Variants in CTXND1 observed in about 807,000 individuals in gnomAD.
The protein encoded by CTXND1 is cortexin domain containing 1, also known as cortexin domain-containing 1 protein.
chr15:80,215,308 T>C (rs1407671523), intron 1 of CTXND1, among the ~76,000 whole-genome samples: 1 of 152,210 alleles, frequency 6.6e-6, no homozygotes, highest in African/African-American at 2.4e-5. Flanking sequence ...CCTTGCCCCT[T>C]TGGGGTACAA....
At chr15:80,244,161 T>C (rs1334733474) in intron 1 of CTXND1, among the ~76,000 whole-genome samples, 1 of 152,240 alleles carries the variant, frequency 6.6e-6, no homozygotes, top group Non-Finnish European at 1.5e-5. Flanking sequence ...TTTAGAGTCC[T>C]TGAAACTGTC....
rs908796978 is a variant in CTXND1 at position 80,196,813 on chromosome 15, T to C, written c.*4957A>G. On this transcript the variant is annotated 3_prime_UTR_variant, in exon 3 of 3. Coordinates refer to ENST00000560778, the MANE Select transcript of CTXND1 (RefSeq NM_001352888.2). ...TTTAGCTTCTGTTGTTTTTGGCCAA[T>C]GGAAGACCCAGACAGGAGATTGGAG... The C allele has an allele frequency of 4.6e-5, 7 of 152,222 alleles. No individual in the cohort carries two copies. Among genetic ancestry groups the C allele is most frequent in the African/African-American group, 1.7e-4 (7 of 41,398 alleles). The allele number at this position is 152,222 out of a possible 1,614,324, so 9.4% of individuals were successfully genotyped here. A position where few individuals can be genotyped will look rare whatever the true frequency, so the allele number is the denominator to read the frequency against.
At chr15:80,241,427 G>A (rs765329158) in intron 1 of CTXND1, among the ~76,000 whole-genome samples, 3 of 151,844 alleles carry the variant, frequency 2.0e-5, no homozygotes, top group East Asian at 3.8e-4. Flanking sequence ...GAGAGCCCAC[G>A]GCCCCTAGGA....
chr15:80,218,425 C>A (rs1893276733), intron 1 of CTXND1, among the ~76,000 whole-genome samples: 1 of 152,174 alleles, frequency 6.6e-6, no homozygotes, highest in Non-Finnish European at 1.5e-5. Flanking sequence ...AGGTGTGAGC[C>A]ACCGCTCCTG....
intron 1 of CTXND1, among the ~76,000 whole-genome samples, chr15:80,241,277 A>G (rs971058135): frequency 4.6e-5 from 7 of 152,126 alleles, no homozygotes; most frequent in African/African-American, 1.7e-4. Flanking sequence ...CTGCAGCACC[A>G]TTGTCTGAGA....
rs1232927769 is a variant in CTXND1 at position 80,195,554 on chromosome 15, A to G, written c.*6216T>C. On this transcript the variant is annotated 3_prime_UTR_variant, in exon 3 of 3. Transcript: ENST00000560778. ...CAAAATACAAGATCAAGGAACCAGC[A>G]TCTGGTGAGGACCTTCTTGTTGCAT... 6.6e-6 allele frequency: 1 copy of G among 152,244 alleles called. No individual in the cohort carries two copies. Among genetic ancestry groups the G allele is most frequent in the Non-Finnish European group, 1.5e-5 (1 of 68,044 alleles). The allele number at this position is 152,244 out of a possible 1,614,324, so 9.4% of individuals were successfully genotyped here. A position where few individuals can be genotyped will look rare whatever the true frequency, so the allele number is the denominator to read the frequency against.
Position 80,223,229 on chromosome 15 carries a change from A to G in CTXND1, c.-217-19489T>C, listed in dbSNP as rs545948765. On this transcript the variant is annotated intron_variant, in intron 1 of 2. Transcript: ENST00000560778. Reference sequence around the variant, plus strand: ...TGCCACCATGTCCGGCTAATTTTGTATTTTTTTAGTAGGGATGAGGTTTCT... The same window carrying G: ...TGCCACCATGTCCGGCTAATTTTGTGTTTTTTTAGTAGGGATGAGGTTTCT... Among the ~76,000 whole-genome samples, 15 of 151,994 alleles carry G rather than the reference A, an allele frequency of 9.9e-5. No individual in the cohort carries two copies. In the South Asian group the frequency reaches 2.7e-3, roughly 27 times the overall value.
At chr15:80,220,153 CTATCT>C (rs1893299360) in intron 1 of CTXND1, among the ~76,000 whole-genome samples, 1 of 97,156 alleles carries the variant, frequency 1.0e-5, no homozygotes, top group African/African-American at 3.6e-5. Flanking sequence ...TATCATCTAT[CTATCT>C]ATCTATCTAT....
chr15:80,240,358 C>G (rs905440679), intron 1 of CTXND1, among the ~76,000 whole-genome samples: 2 of 152,162 alleles, frequency 1.3e-5, no homozygotes, highest in African/African-American at 4.8e-5. Context: ...CAAGGAAGAC[C>G]AAGGTCTCCC....
Position 80,201,502 on chromosome 15 carries a change from C to T in CTXND1, c.*268G>A, listed in dbSNP as rs1040566590. ...ACTACCCTATCATCTCACAGGGACT[C>T]CCCACACTGGAACCCCAGCCTCCTG... On this transcript the variant is annotated 3_prime_UTR_variant, in exon 3 of 3. Transcript: ENST00000560778. The T allele has an allele frequency of 7.7e-5, 26 of 335,910 alleles. No individual in the cohort carries two copies. Among genetic ancestry groups the T allele is most frequent in the Non-Finnish European group, 1.1e-4 (21 of 186,396 alleles). 20.8% of individuals were successfully genotyped at this position (335,910 alleles called of 1,614,324 possible).
chr15:80,220,915 T>A (rs57782475), intron 1 of CTXND1, among the ~76,000 whole-genome samples: 48,370 of 139,988 alleles, frequency 0.35, 8,883 homozygotes, highest in African/African-American at 0.51. Flanking sequence ...TATTATTATT[T>A]TTTTTTTTTT....
intron 1 of CTXND1, among the ~76,000 whole-genome samples, chr15:80,223,674 A>C (rs557238538): frequency 2.0e-5 from 3 of 152,292 alleles, no homozygotes; most frequent in Admixed American, 2.0e-4. Flanking sequence ...ACTCCTATCA[A>C]CAGTCCCAGT....
chr15:80,221,540 G>C (rs1464731079), intron 1 of CTXND1, among the ~76,000 whole-genome samples: 1 of 152,048 alleles, frequency 6.6e-6, no homozygotes, highest in African/African-American at 2.4e-5. Context: ...GTATGATAGC[G>C]CCCCTGCACT....
chr15:80,227,487 T>G (rs568535111), intron 1 of CTXND1, among the ~76,000 whole-genome samples: 3 of 152,144 alleles, frequency 2.0e-5, no homozygotes, highest in African/African-American at 4.8e-5. Flanking sequence ...AAGGGCTTAT[T>G]ATGGGGTCAT....
intron 1 of CTXND1, among the ~76,000 whole-genome samples, chr15:80,236,210 C>T (rs973913518): frequency 4.0e-5 from 6 of 151,782 alleles, no homozygotes; most frequent in African/African-American, 9.7e-5. Context: ...GCCCGCTGCT[C>T]GTTTCTGTAC....
chr15:80,212,042 G>C (rs560344030), intron 1 of CTXND1, among the ~76,000 whole-genome samples: 26 of 152,164 alleles, frequency 1.7e-4, no homozygotes, highest in Non-Finnish European at 2.4e-4. Flanking sequence ...GTTACCCTGG[G>C]GTGGCCCATA....
chr15:80,237,292 G>T (rs1448081588), intron 1 of CTXND1, among the ~76,000 whole-genome samples: 1 of 144,520 alleles, frequency 6.9e-6, no homozygotes, highest in South Asian at 2.2e-4. Context: ...CCAAGATCGC[G>T]CCACTGCACT....
At chr15:80,238,878 C>T (rs534180567) in intron 1 of CTXND1, among the ~76,000 whole-genome samples, 27 of 152,340 alleles carry the variant, frequency 1.8e-4, no homozygotes, top group African/African-American at 6.5e-4. Flanking sequence ...ATCAGCTACA[C>T]TGTATAGCCT....
At chr15:80,204,086 C>T (rs1439464493) in intron 1 of CTXND1, among the ~76,000 whole-genome samples, 1 of 133,354 alleles carries the variant, frequency 7.5e-6, no homozygotes, top group Non-Finnish European at 1.5e-5. Flanking sequence ...TCACTTGAAC[C>T]CAGGAGGCGG....
Sources: allele counts gnomAD v4.1 joint callset (sites outside exome capture counted in the v4.1 genomes callset), GRCh38; gene constraint gnomAD v4.1.1; transcripts MANE v1.5; gene names NCBI Gene and HGNC (gene_info 2026-07-23, HGNC 2026-07-21).